Variants in RYR2 observed in about 807,000 individuals in gnomAD.
RYR2 encodes the protein cardiac muscle ryanodine receptor-calcium release channel.
A neutral mutation model predicts 601.1 loss-of-function variants in RYR2; 227 were observed. That is an observed-to-expected ratio of 0.38 (90% CI 0.34 to 0.42). RYR2 has a LOEUF of 0.42. Among genes scored for constraint, RYR2 ranks in the 10% least tolerant of loss-of-function variants. The probability of loss-of-function intolerance (pLI) is 1.00; values close to 1 mark genes in which losing one functional copy is unlikely to be tolerated. For synonymous variants in RYR2, 2,223 were observed against 2,175.1 expected (o/e 1.02, Z -0.61); for missense variants, 4,646 against 6,156.5 (o/e 0.75, Z 8.21).
chr1:237,251,631 C>T (rs1687475223), intron 1 of RYR2, among the ~76,000 whole-genome samples: 1 of 152,124 alleles, frequency 6.6e-6, no homozygotes, highest in Admixed American at 6.6e-5. Flanking sequence ...CTATTCATTC[C>T]CTTAGTGATC....
In RYR2 at chr1:237,666,568, T is replaced by C. The variant is rs755660659; in HGVS notation, c.8493T>C (p.Val2831=). Residue 2831 remains valine, a synonymous_variant, in exon 57 of 105, where the codon GTT becomes GTC. Transcript: ENST00000366574. The part of the protein sequence containing the change: ...YSPRAIDMSN[V]TLSRDLHAMA... Reference sequence around the variant, plus strand: ...CCCGGGCCATTGACATGAGCAATGTTACACTATCTAGAGACCTGCATGTAA... The same window carrying C: ...CCCGGGCCATTGACATGAGCAATGTCACACTATCTAGAGACCTGCATGTAA... 6.2e-6 allele frequency: 10 copies of C among 1,612,738 alleles called. No homozygotes were observed. Among genetic ancestry groups the C allele is most frequent in the East Asian group, 4.5e-5 (2 of 44,858 alleles).
intron 3 of RYR2, 109 bp downstream of exon 3, chr1:237,331,091 T>C: frequency 1.1e-6 from 1 of 885,606 alleles, no homozygotes; most frequent in Admixed American, 1.9e-5. Context: ...AATAAGTCCA[T>C]GCCTTTCAGT....
chr1:237,705,782 T>G (rs1342175703), intron 67 of RYR2, among the ~76,000 whole-genome samples: 5 of 152,198 alleles, frequency 3.3e-5, no homozygotes, highest in Non-Finnish European at 5.9e-5. Flanking sequence ...TTTAGATCCA[T>G]CGTGTTTTAG....
At chr1:237,132,908 C>A (rs1672310725) in intron 1 of RYR2, among the ~76,000 whole-genome samples, 1 of 151,924 alleles carries the variant, frequency 6.6e-6, no homozygotes, top group South Asian at 2.1e-4. Context: ...CTCACTGGTC[C>A]CACTTAATGC....
intron 80 of RYR2, among the ~76,000 whole-genome samples, chr1:237,749,410 A>T (rs529336187): frequency 1.3e-5 from 2 of 151,084 alleles, no homozygotes; most frequent in African/African-American, 2.4e-5. Flanking sequence ...ATTGACTATC[A>T]CATAACCATC....
intron 104 of RYR2, 89 bp downstream of exon 104, chr1:237,831,654 C>A: frequency 1.3e-6 from 1 of 742,528 alleles, no homozygotes; most frequent in Non-Finnish European, 2.3e-6. Flanking sequence ...AACAGTGAGG[C>A]ACGGAATTAC....
rs201619110 is a variant in RYR2 at position 237,417,721 on chromosome 1, AT to A, written c.848+605del. On this transcript the variant is annotated intron_variant, in intron 11 of 104. Transcript: ENST00000366574. ...TTTATGAAACATAAATGTATAAAGT[AT>A]TTTTTTCTGATGACTTAACTGTCTG... Among the ~76,000 whole-genome samples the A allele has an allele frequency of 8.5e-3, 1,300 of 152,168 alleles. 27 individuals are homozygous for A. Among genetic ancestry groups the A allele is most frequent in the African/African-American group, 0.03 (1,248 of 41,516 alleles).
chr1:237,782,464 C>T (rs181827321), intron 89 of RYR2, among the ~76,000 whole-genome samples: 11 of 152,300 alleles, frequency 7.2e-5, no homozygotes, highest in Middle Eastern at 3.4e-3. Context: ...ATTTTCTCTC[C>T]GTGTCTGCCA....
intron 97 of RYR2, among the ~76,000 whole-genome samples, chr1:237,799,573 A>C (rs1659708243): frequency 6.6e-6 from 1 of 152,210 alleles, no homozygotes; most frequent in South Asian, 2.1e-4. Context: ...TAACACCTTG[A>C]CATATGGAGA....
chr1:237,752,585 A>C (rs966369320), intron 80 of RYR2, among the ~76,000 whole-genome samples: 3 of 152,206 alleles, frequency 2.0e-5, no homozygotes, highest in African/African-American at 7.2e-5. Context: ...TCAAGAACTT[A>C]AATACAACAG....
chr1:237,215,980 C>T (rs941085112), intron 1 of RYR2, among the ~76,000 whole-genome samples: 7 of 152,168 alleles, frequency 4.6e-5, no homozygotes, highest in Non-Finnish European at 1.0e-4. Flanking sequence ...TGTCATTTCA[C>T]GCCAGTAGTA....
intron 1 of RYR2, among the ~76,000 whole-genome samples, chr1:237,159,151 C>T (rs1325593007): frequency 5.9e-5 from 9 of 151,976 alleles, no homozygotes; most frequent in Non-Finnish European, 1.0e-4. Context: ...ATTAGCTGCG[C>T]GTGGTGGTGC....
intron 1 of RYR2, among the ~76,000 whole-genome samples, chr1:237,268,950 A>AAAAAAAAAC (rs1689378064): frequency 8.4e-5 from 9 of 107,250 alleles, no homozygotes; most frequent in Non-Finnish European, 1.7e-4. Context: ...AAAAAAAAAA[A>AAAAAAAAAC]AAAAAAAAAA....
In RYR2 at chr1:237,438,790, C is replaced by G. The variant is rs188422977; in HGVS notation, c.1006-2529C>G. 4.7e-3 allele frequency among the ~76,000 whole-genome samples: 712 copies of G among 152,352 alleles called. 11 individuals carry two copies. Among genetic ancestry groups the G allele is most frequent in the African/African-American group, 0.016 (678 of 41,592 alleles). ...CCCCAAGGCAAAAGGCAGCCACCTA[C>G]CAATCACGCAAGGTGCTATTTGTCT... On this transcript the variant is annotated intron_variant, in intron 12 of 104. Transcript: ENST00000366574.
intron 56 of RYR2, among the ~76,000 whole-genome samples, chr1:237,662,984 G>A (rs183628652): frequency 4.0e-4 from 61 of 152,278 alleles, no homozygotes; most frequent in African/African-American, 1.3e-3. Context: ...TCTGTGGAGG[G>A]CATTTGTTGA....
intron 87 of RYR2, among the ~76,000 whole-genome samples, chr1:237,775,375 T>C (rs948166959): frequency 5.9e-5 from 9 of 152,182 alleles, no homozygotes; most frequent in Admixed American, 1.3e-4. Context: ...TTCACGTTAT[T>C]TGTTTTTTAA....
At chr1:237,051,853 A>G (rs796158272) in intron 1 of RYR2, among the ~76,000 whole-genome samples, 127 of 152,258 alleles carry the variant, frequency 8.3e-4, no homozygotes, top group African/African-American at 2.9e-3. Flanking sequence ...CTTGCCATAC[A>G]GGGGCCCTTT....
In RYR2 at chr1:237,669,572, C is replaced by T. The variant is rs1160770939; in HGVS notation, c.8590+1614C>T. Among the ~76,000 whole-genome samples the T allele has an allele frequency of 6.7e-5, 10 of 150,324 alleles. No homozygotes were observed. The East Asian group carries it at 1.4e-3, about 21-fold the overall frequency. On this transcript the variant is annotated intron_variant, in intron 58 of 104. Coordinates refer to ENST00000366574, the MANE Select transcript of RYR2 (RefSeq NM_001035.3). ...GCGGAGGGGCTCCTCACTTCTCAGACGGGGCAGTTGCCAGGCAGAGGGTCT... is the reference window on the plus strand; with the variant it reads ...GCGGAGGGGCTCCTCACTTCTCAGATGGGGCAGTTGCCAGGCAGAGGGTCT...
chr1:237,614,471 G>A lies in RYR2; in HGVS notation c.5343G>A (p.Glu1781=). 6.2e-7 allele frequency: 1 copy of A among 1,614,054 alleles called. No individual in the cohort carries two copies. The highest frequency in any genetic ancestry group is 1.1e-5 in the South Asian group (1 of 91,090). ...ISNECYQYSP[E]FPLDILKSKT... is the part of the protein sequence containing the mutation. ...ATGAATGTTACCAGTACAGTCCAGAGTTCCCACTGGACATCCTCAAGTCCA... is the reference window on the plus strand; with the variant it reads ...ATGAATGTTACCAGTACAGTCCAGAATTCCCACTGGACATCCTCAAGTCCA... The change falls in exon 37 of 105, where the codon GAG becomes GAA. Residue 1781 remains glutamate (E), a synonymous_variant. Transcript: ENST00000366574. This position sits in a 1 kb window ranked among gnomAD's most constrained non-coding sequence, Gnocchi z 4.3.
Sources: gnomAD v4.1 joint callset for allele counts (sites outside exome capture counted in the v4.1 genomes callset) on GRCh38, gnomAD v4.1.1 for gene constraint, Gnocchi (gnomAD v3.1) non-coding constraint, MANE v1.5 for transcripts, NCBI Gene and HGNC (gene_info 2026-07-23, HGNC 2026-07-21) for gene names.